Variants in ZFYVE28 observed in about 807,000 individuals in gnomAD.
ZFYVE28 encodes zinc finger FYVE-type containing 28, also known as lateral signaling target protein 2 homolog.
A neutral mutation model predicts 82.1 loss-of-function variants in ZFYVE28; 40 were observed. The ratio of observed to expected loss-of-function variants is 0.49; its 90% confidence interval spans 0.38 to 0.63. The LOEUF is 0.63. Among genes scored for constraint, ZFYVE28 ranks in the 30% least tolerant of loss-of-function variants. The pLI is 0.00. For missense variants in ZFYVE28, 1,321 were observed against 1,242.1 expected (o/e 1.06, Z -0.96); for synonymous variants, 612 against 546.1 (o/e 1.12, Z -1.68).
chr4:2,331,306 G>A (rs1578121984), intron 6 of ZFYVE28, among the ~76,000 whole-genome samples: 2 of 152,062 alleles, frequency 1.3e-5, no homozygotes, highest in African/African-American at 4.8e-5. Flanking sequence ...AGTGACCACT[G>A]GGTCTAGAGG....
chr4:2,332,648 A>G lies in ZFYVE28; in HGVS notation c.701+3057T>C, dbSNP rs1326352258. Among the ~76,000 whole-genome samples the G allele has an allele frequency of 6.6e-6, 1 of 152,168 alleles. No homozygotes were observed. Among genetic ancestry groups the G allele is most frequent in the Non-Finnish European group, 1.5e-5 (1 of 68,022 alleles). ...GAAGGAGCAGGTTCTGGGCCCCACC[A>G]CGGGCAGCTGTGGCCTCTGCCTGTC... On this transcript the variant is annotated intron_variant, in intron 6 of 12. Transcript: ENST00000290974. The surrounding 1 kb of genome is among the most constrained non-coding windows in gnomAD (Gnocchi z 4.7).
intron 10 of ZFYVE28, 149 bp from the exon 11 acceptor site, chr4:2,271,928 G>A (rs1735950068): frequency 1.4e-6 from 1 of 694,652 alleles, no homozygotes; most frequent in African/African-American, 1.8e-5. Context: ...TGGCACCACA[G>A]CAGGTTGGGC....
At position 2,304,818 on chromosome 4, in the gene ZFYVE28, T is replaced by A. The variant is rs746958223; in HGVS notation, c.1522A>T (p.Thr508Ser). ...AETAEMIAHRTGGMKLSATVI... is the reference protein window; with the variant it reads ...AETAEMIAHRSGGMKLSATVI... ...GTGGCTGAGAGCTTCATGCCCCCTG[T>A]CCGGTGGGCGATCATCTCAGCCGTC... is the stretch of plus-strand genomic sequence containing the variant. The change falls in exon 8 of 13, where the codon ACA becomes TCA. Residue 508 changes from threonine to serine, a missense_variant. This residue lies in a region of ZFYVE28 where 978 missense variants were observed against 833.7 expected (regional missense o/e 1.17). Coordinates refer to ENST00000290974, the MANE Select transcript of ZFYVE28 (RefSeq NM_020972.3). 6.2e-7 allele frequency: 1 copy of A among 1,612,640 alleles called. No individual in the cohort carries two copies. The highest frequency in any genetic ancestry group is 2.2e-5 in the East Asian group (1 of 44,864).
At chr4:2,352,926 GGC>G (rs887952559) in intron 2 of ZFYVE28, among the ~76,000 whole-genome samples, 1 of 152,174 alleles carries the variant, frequency 6.6e-6, no homozygotes, top group African/African-American at 2.4e-5. Flanking sequence ...TCTCCTCCGT[GGC>G]ACTTTCCTCC....
intron 1 of ZFYVE28, among the ~76,000 whole-genome samples, chr4:2,406,062 A>AGAAAGAAAGAAAG (rs11451239): frequency 8.0e-5 from 10 of 125,082 alleles, no homozygotes; most frequent in African/African-American, 3.0e-4. Context: ...AAAAAAAAAA[A>AGAAAGAAAGAAAG]AAAGAAAGAA....
intron 1 of ZFYVE28, among the ~76,000 whole-genome samples, chr4:2,392,574 T>C (rs1729957269): frequency 6.6e-6 from 1 of 152,178 alleles, no homozygotes; most frequent in Admixed American, 6.5e-5. Flanking sequence ...TCCTCTACAG[T>C]GAATAAAAAT....
chr4:2,381,606 C>T (rs1728741124), intron 1 of ZFYVE28, among the ~76,000 whole-genome samples: 1 of 152,092 alleles, frequency 6.6e-6, no homozygotes, highest in Admixed American at 6.6e-5. Context: ...GGGGTTCCAC[C>T]GTATTGGCCA....
chr4:2,340,868 G>T (rs960569219), intron 3 of ZFYVE28, among the ~76,000 whole-genome samples: 1 of 152,146 alleles, frequency 6.6e-6, no homozygotes, highest in Non-Finnish European at 1.5e-5. Context: ...TCCTAGAAAG[G>T]GGAGGCGGGC....
chr4:2,340,125 TC>T (rs1396187311), intron 3 of ZFYVE28, among the ~76,000 whole-genome samples: 1 of 152,062 alleles, frequency 6.6e-6, no homozygotes, highest in African/African-American at 2.4e-5. Context: ...GCCGGGCTGA[TC>T]CGGGCCCGAG....
intron 6 of ZFYVE28, chr4:2,328,904 T>C (rs1018882756): frequency 1.2e-5 from 5 of 423,128 alleles, no homozygotes; most frequent in African/African-American, 1.0e-4. Flanking sequence ...TTGAATGATC[T>C]TGGCCCCCTT....
rs559936834 is a variant in ZFYVE28, at chr4:2,364,714, T to C, written c.40-10641A>G. 98 of 985,444 alleles carry C rather than the reference T, an allele frequency of 9.9e-5. No homozygotes were observed. The African/African-American group carries it at 1.6e-3, about 16-fold the overall frequency. The allele number at this position is 985,444 out of a possible 1,614,324, so 61.0% of individuals were successfully genotyped here. On this transcript the variant is annotated intron_variant, in intron 1 of 12. Transcript: ENST00000290974. ...GCACCTCGCGTCTCGCCGTCAGGGG[T>C]GACAGTGGTGGACGCAGGTGATGAG...
chr4:2,308,911 A>C (rs1007445055), intron 7 of ZFYVE28, among the ~76,000 whole-genome samples: 5 of 152,200 alleles, frequency 3.3e-5, no homozygotes, highest in African/African-American at 1.2e-4. Flanking sequence ...CAGGGCTTTA[A>C]AAATTTATGG....
At chr4:2,346,092 G>C (rs993056077) in intron 2 of ZFYVE28, among the ~76,000 whole-genome samples, 2 of 151,858 alleles carry the variant, frequency 1.3e-5, no homozygotes, top group Non-Finnish European at 2.9e-5. Flanking sequence ...ACTTTGGGAG[G>C]CCAGGGCGGG....
chr4:2,338,066 T>C (rs1431232643), intron 4 of ZFYVE28, among the ~76,000 whole-genome samples: 3 of 152,102 alleles, frequency 2.0e-5, no homozygotes, highest in African/African-American at 4.8e-5. Context: ...TGCGGGACCA[T>C]CCCCCACCTT....
intron 6 of ZFYVE28, among the ~76,000 whole-genome samples, chr4:2,323,841 A>G (rs562807257): frequency 4.0e-5 from 6 of 151,816 alleles, no homozygotes; most frequent in Admixed American, 2.0e-4. Flanking sequence ...ATGGTTTCCA[A>G]TTTCATCCAT....
chr4:2,317,108 C>T (rs1243099550), intron 7 of ZFYVE28, among the ~76,000 whole-genome samples: 1 of 151,682 alleles, frequency 6.6e-6, no homozygotes, highest in Non-Finnish European at 1.5e-5. Context: ...CTGGTCTCAG[C>T]CTCCCAAGTA....
At chr4:2,393,491 G>T (rs897252838) in intron 1 of ZFYVE28, among the ~76,000 whole-genome samples, 9 of 152,158 alleles carry the variant, frequency 5.9e-5, no homozygotes, top group Admixed American at 2.6e-4. Flanking sequence ...GGTGGGACCT[G>T]CCATAACCAC....
At chr4:2,368,216 A>AC (rs200561836) in intron 1 of ZFYVE28, among the ~76,000 whole-genome samples, 14 of 122,908 alleles carry the variant, frequency 1.1e-4, no homozygotes, top group Middle Eastern at 3.8e-3. Flanking sequence ...CTCTACAAAA[A>AC]AAAAAAAAAA....
At chr4:2,289,040 T>C (rs1233753817) in intron 8 of ZFYVE28, among the ~76,000 whole-genome samples, 4 of 151,890 alleles carry the variant, frequency 2.6e-5, no homozygotes, top group African/African-American at 9.7e-5. Flanking sequence ...TCCCAACACT[T>C]TGGGAGGCCA....
Sources: gnomAD v4.1 joint callset for allele counts (sites outside exome capture counted in the v4.1 genomes callset) on GRCh38, gnomAD v4.1.1 for gene constraint, gnomAD v4.1.1 regional missense constraint, Gnocchi (gnomAD v3.1) non-coding constraint, MANE v1.5 for transcripts, NCBI Gene and HGNC (gene_info 2026-07-23, HGNC 2026-07-21) for gene names.